The following STARD9 variants were observed in gnomAD, a reference collection of about 807,000 sequenced individuals.
STARD9 encodes the protein stAR-related lipid transfer protein 9.
In STARD9, 346 loss-of-function variants were observed where a neutral mutation model predicts 399.8. The observed-to-expected ratio is 0.87, with a 90% CI of 0.79 to 0.95. The LOEUF is 0.95. STARD9 is among the 40% of genes least tolerant of loss of function. The pLI is 0.00. For missense variants in STARD9, 5,832 were observed against 5,667.5 expected, an observed-to-expected ratio of 1.03 and a Z score of -0.93; for synonymous variants, 2,203 against 2,143.5, an observed-to-expected ratio of 1.03 and a Z score of -0.77.
intron 31 of STARD9, 43 bp downstream of exon 31, chr15:42,718,557 C>A: frequency 6.6e-7 from 1 of 1,518,688 alleles, no homozygotes; most frequent in Non-Finnish European, 8.8e-7. Flanking sequence ...AGAACTTGGG[C>A]TGAAGTGTCG....
intron 3 of STARD9, among the ~76,000 whole-genome samples, chr15:42,603,404 C>G (rs1334804504): frequency 6.6e-6 from 1 of 152,124 alleles, no homozygotes; most frequent in Non-Finnish European, 1.5e-5. Flanking sequence ...CATGAGCCAC[C>G]ATGCCAGCCA....
chr15:42,718,226 GC>G, intron 30 of STARD9, 47 bp downstream of exon 30: 1 of 1,500,022 alleles, frequency 6.7e-7, no homozygotes, highest in Admixed American at 2.0e-5. Context: ...TTTCTGGTGT[GC>G]CCAGTGGGGT....
At chr15:42,617,165 A>C (rs76471889) in intron 3 of STARD9, among the ~76,000 whole-genome samples, 1 of 152,194 alleles carries the variant, frequency 6.6e-6, no homozygotes, top group Non-Finnish European at 1.5e-5. Flanking sequence ...GCTTTAGTAC[A>C]TGCTTTACAA....
chr15:42,654,283 C>T (rs527896243), intron 9 of STARD9, among the ~76,000 whole-genome samples: 1 of 152,208 alleles, frequency 6.6e-6, no homozygotes, highest in Non-Finnish European at 1.5e-5. Context: ...TGTGAATTGC[C>T]TAAGGTACAA....
At chr15:42,603,393 G>T (rs150536629) in intron 3 of STARD9, among the ~76,000 whole-genome samples, 4 of 152,072 alleles carry the variant, frequency 2.6e-5, no homozygotes, top group African/African-American at 9.7e-5. Context: ...GGGATTACAG[G>T]CATGAGCCAC....
intron 8 of STARD9, among the ~76,000 whole-genome samples, chr15:42,651,763 C>T (rs780838295): frequency 2.0e-5 from 3 of 152,100 alleles, no homozygotes; most frequent in Non-Finnish European, 2.9e-5. Context: ...TGGAACTCTC[C>T]TGGAGACACT....
At chr15:42,595,747 A>G (rs527580956) in intron 3 of STARD9, among the ~76,000 whole-genome samples, 1 of 152,314 alleles carries the variant, frequency 6.6e-6, no homozygotes, top group East Asian at 1.9e-4. Flanking sequence ...TGGAGACAGA[A>G]GTCGAAGGGA....
At chr15:42,668,133 G>A (rs2060138490) in intron 15 of STARD9, among the ~76,000 whole-genome samples, 1 of 152,066 alleles carries the variant, frequency 6.6e-6, no homozygotes. Context: ...GGTGAAAGCT[G>A]GCCAGAGGGG....
At chr15:42,675,164 A>G (rs1484159633) in intron 18 of STARD9, among the ~76,000 whole-genome samples, 200 bp downstream of exon 18, 1 of 152,198 alleles carries the variant, frequency 6.6e-6, no homozygotes, top group Non-Finnish European at 1.5e-5. Context: ...GAATGACTGT[A>G]TGAAATTTGT....
chr15:42,685,683 T>C lies in STARD9; in HGVS notation c.4105T>C (p.Cys1369Arg). 6.5e-7 allele frequency: 1 copy of C among 1,537,274 alleles called. No homozygotes were observed. Among genetic ancestry groups the C allele is most frequent in the Non-Finnish European group, 8.7e-7 (1 of 1,146,948 alleles). ...TCCTGATATGCAGGAATTTCACTCC[T>C]GTAAGGGGGAGAGGCCTGGATACTG... ...PSPDMQEFHSCKGERPGYWPN... is the reference protein window; with the variant it reads ...PSPDMQEFHSRKGERPGYWPN... The change falls in exon 23 of 33, where the codon TGT (cysteine) becomes CGT (arginine). Residue 1369 changes from cysteine to arginine, a missense_variant. Cys to Arg is a radical substitution (Grantham distance 180). Around this residue, in one of 2 missense-constraint regions of STARD9, gnomAD observed 5,828 missense variants for 5,651.1 expected, o/e 1.03. Transcript: ENST00000290607.
chr15:42,695,722 A>G (rs1294233910), intron 25 of STARD9, 21 bp from the exon 26 acceptor site: 1 of 1,534,956 alleles, frequency 6.5e-7, no homozygotes, highest in Admixed American at 2.0e-5. Context: ...AAGCTGGTTA[A>G]TGGTGATTTG....
chr15:42,661,048 G>A (rs2059984378), intron 9 of STARD9, 110 bp from the exon 10 acceptor site: 2 of 719,234 alleles, frequency 2.8e-6, no homozygotes, highest in South Asian at 3.4e-5. Flanking sequence ...ATACAGATTT[G>A]TTGAGTGAAT....
At chr15:42,637,709 A>G (rs2059445087) in intron 4 of STARD9, among the ~76,000 whole-genome samples, 198 bp from the exon 5 acceptor site, 1 of 151,938 alleles carries the variant, frequency 6.6e-6, no homozygotes, top group Non-Finnish European at 1.5e-5. Context: ...CATTTGGTAC[A>G]TTTCTCCCAT....
chr15:42,607,651 TACACACACACACACACACAC>T (rs10655556), intron 3 of STARD9, among the ~76,000 whole-genome samples: 54 of 143,778 alleles, frequency 3.8e-4, no homozygotes, highest in Admixed American at 2.9e-3. Context: ...CACACACTTA[TACACACACACACACACACAC>T]ACACACACAC....
At position 42,687,549 on chromosome 15, in the gene STARD9, T is replaced by C. The variant is rs1485333298; in HGVS notation, c.5971T>C (p.Ser1991Pro). The C allele has an allele frequency of 6.5e-7, 1 of 1,536,902 alleles. No homozygotes were observed. ...LEKGLRPKDS[S>P]EEFKLPGTKP... is the part of the protein sequence containing the mutation. ...AAAAGGTCTTCGTCCCAAAGATAGC[T>C]CAGAAGAGTTTAAGCTTCCAGGTAC... The change falls in exon 23 of 33, where the codon TCA (serine) becomes CCA (proline). Residue 1991 changes from serine (S) to proline (P), a missense_variant. Ser to Pro is a moderately conservative substitution (Grantham distance 74). Coordinates refer to ENST00000290607, the MANE Select transcript of STARD9 (RefSeq NM_020759.3).
chr15:42,685,326 G>A lies in STARD9; in HGVS notation c.3748G>A (p.Ala1250Thr). The change falls in exon 23 of 33, where the codon GCA becomes ACA. Residue 1250 changes from alanine to threonine, a missense_variant. Physicochemically the swap from Ala to Thr is moderately conservative, Grantham distance 58. Around this residue, in one of 2 missense-constraint regions of STARD9, gnomAD observed 5,828 missense variants for 5,651.1 expected, o/e 1.03. Transcript: ENST00000290607. ...DSSLPVMDQE[A>T]ICRLGPINYR... ...TAGTCTGCCTGTAATGGACCAAGAG[G>A]CAATATGCAGGCTTGGTCCCATCAA... is the stretch of plus-strand genomic sequence containing the variant. 1.3e-6 allele frequency: 2 copies of A among 1,537,438 alleles called. No individual in the cohort carries two copies. The highest frequency in any genetic ancestry group is 1.7e-6 in the Non-Finnish European group (2 of 1,146,958).
At chr15:42,605,437 A>G (rs1329625186) in intron 3 of STARD9, among the ~76,000 whole-genome samples, 2 of 152,180 alleles carry the variant, frequency 1.3e-5, no homozygotes, top group Non-Finnish European at 2.9e-5. Context: ...CTAGGTGTCA[A>G]AATTATAAAA....
At chr15:42,670,013 T>G (rs2060174928) in intron 16 of STARD9, 1 of 152,144 alleles carries the variant, frequency 6.6e-6, no homozygotes, top group Non-Finnish European at 1.5e-5. Flanking sequence ...ATCACGCCAC[T>G]GCGCTCCAGC....
At chr15:42,614,752 G>A (rs1349980443) in intron 3 of STARD9, among the ~76,000 whole-genome samples, 2 of 152,078 alleles carry the variant, frequency 1.3e-5, no homozygotes, top group Non-Finnish European at 2.9e-5. Context: ...AGATCATGCC[G>A]TCAGGACTTC....
Sources: gnomAD v4.1 joint callset for allele counts (sites outside exome capture counted in the v4.1 genomes callset) on GRCh38, gnomAD v4.1.1 for gene constraint, gnomAD v4.1.1 regional missense constraint, MANE v1.5 for transcripts, NCBI Gene and HGNC (gene_info 2026-07-23, HGNC 2026-07-21) for gene names.